REPS2: variants seen among roughly 807,000 people sequenced by gnomAD.
REPS2 encodes the protein RALBP1 associated Eps domain containing 2.
Under a neutral mutation model 53.6 loss-of-function variants are expected in REPS2, and 23 were observed. That is an observed-to-expected ratio of 0.43 (90% CI 0.31 to 0.61). The LOEUF is 0.61. Ranked by LOEUF, REPS2 falls within the 20% of genes least tolerant of loss-of-function variation. The pLI is 0.11. For synonymous variants in REPS2, 238 were observed against 218.6 expected (o/e 1.09, Z -0.78); for missense variants, 446 against 534.9 (o/e 0.83, Z 1.64).
intron 5 of REPS2, among the ~76,000 whole-genome samples, chrX:17,046,643 C>T (rs961325897): frequency 2.7e-5 from 3 of 112,312 alleles, no homozygotes; most frequent in Non-Finnish European, 5.6e-5. Flanking sequence ...TGTTTTCTCC[C>T]GCACTGCTTC....
intron 1 of REPS2, among the ~76,000 whole-genome samples, chrX:16,997,548 T>C (rs928921442): frequency 2.7e-5 from 3 of 112,738 alleles, no homozygotes; most frequent in Non-Finnish European, 5.6e-5. Context: ...GCTGGGCAGC[T>C]TGGAAAGCCA....
At chrX:17,091,665 C>T (rs933197558) in intron 13 of REPS2, among the ~76,000 whole-genome samples, 1 of 111,444 alleles carries the variant, frequency 9.0e-6, no homozygotes, top group Non-Finnish European at 1.9e-5. Context: ...GGTGTGTGGT[C>T]ATCAGGGGAT....
chrX:16,948,124 G>A (rs2060464156), intron 1 of REPS2, among the ~76,000 whole-genome samples: 1 of 112,210 alleles, frequency 8.9e-6, no homozygotes, highest in Non-Finnish European at 1.9e-5. Flanking sequence ...AGAGTGGCGA[G>A]TGGTATTTTA....
chrX:17,050,963 T>C (rs1184911564), intron 6 of REPS2, among the ~76,000 whole-genome samples: 4 of 111,486 alleles, frequency 3.6e-5, no homozygotes, highest in Non-Finnish European at 3.8e-5. Context: ...TTCTAACTAG[T>C]TTTTTGTACC....
intron 13 of REPS2, among the ~76,000 whole-genome samples, chrX:17,096,810 G>A (rs2062711188): frequency 9.0e-6 from 1 of 111,210 alleles, no homozygotes; most frequent in Non-Finnish European, 1.9e-5. Flanking sequence ...ACTGGATTTT[G>A]TTAGACATTA....
chrX:16,981,854 A>G (rs1472045795), intron 1 of REPS2, among the ~76,000 whole-genome samples: 1 of 112,192 alleles, frequency 8.9e-6, no homozygotes, highest in Non-Finnish European at 1.9e-5. Context: ...AAAGTGTCAA[A>G]TTAAATGGTT....
At chrX:17,144,575 G>T (rs1603134374) in intron 17 of REPS2, among the ~76,000 whole-genome samples, 2 of 112,401 alleles carry the variant, frequency 1.8e-5, no homozygotes, top group South Asian at 7.3e-4. Context: ...GTGAACAGAA[G>T]TCTGAAGAAT....
Position 17,029,519 on chromosome X carries a change from G to A in REPS2, c.674-7G>A. 1 of 1,191,578 alleles carries A rather than the reference G, an allele frequency of 8.4e-7. No individual in the cohort carries two copies. The highest frequency in any genetic ancestry group is 1.1e-6 in the Non-Finnish European group (1 of 878,613). On this transcript the variant is annotated splice_region_variant and splice_polypyrimidine_tract_variant and intron_variant, in intron 4 of 17. Coordinates refer to ENST00000357277, the MANE Select transcript of REPS2 (RefSeq NM_004726.3). ...TACCATACTGACTTTCCTTTCTGCT[G>A]TTTCAGCACCTTATGAAGCTAGGCA...
intron 2 of REPS2, among the ~76,000 whole-genome samples, chrX:17,019,036 G>T (rs1018655808): frequency 1.1e-4 from 12 of 110,343 alleles, no homozygotes; most frequent in Non-Finnish European, 1.7e-4. Context: ...CAAACTGCTG[G>T]GCTCAAGTGA....
At chrX:17,090,539 A>G (rs1703973956) in intron 13 of REPS2, among the ~76,000 whole-genome samples, 1 of 111,868 alleles carries the variant, frequency 8.9e-6, no homozygotes, top group Non-Finnish European at 1.9e-5. Context: ...GAGCCAAACC[A>G]TGTCAGATGT....
At chrX:16,974,992 T>G (rs1274874747) in intron 1 of REPS2, among the ~76,000 whole-genome samples, 1 of 111,661 alleles carries the variant, frequency 9.0e-6, no homozygotes, top group Non-Finnish European at 1.9e-5. Flanking sequence ...CTGCATTAGT[T>G]TGCTTAGGAT....
chrX:17,003,256 A>C (rs758454363), intron 1 of REPS2, among the ~76,000 whole-genome samples: 5 of 111,990 alleles, frequency 4.5e-5, no homozygotes, highest in African/African-American at 6.5e-5. Flanking sequence ...AGAACATGCC[A>C]TGTGGAATTG....
intron 10 of REPS2, among the ~76,000 whole-genome samples, chrX:17,068,849 A>G (rs2062263116): frequency 8.9e-6 from 1 of 112,750 alleles, no homozygotes; most frequent in Non-Finnish European, 1.9e-5. Context: ...GCTCTAATCC[A>G]TGAGGAAGTT....
At chrX:17,042,127 G>A (rs759708001) in intron 5 of REPS2, among the ~76,000 whole-genome samples, 50 of 112,153 alleles carry the variant, frequency 4.5e-4, no homozygotes, top group African/African-American at 1.5e-3. Flanking sequence ...TGTGGCTTAA[G>A]CAGACAGATG....
chrX:16,976,705 A>G (rs1273148302), intron 1 of REPS2, among the ~76,000 whole-genome samples: 2 of 111,712 alleles, frequency 1.8e-5, no homozygotes, highest in Admixed American at 9.5e-5. Flanking sequence ...CCTACTGCCA[A>G]TCATTCCTCT....
At chrX:17,169,153 C>T in the REPS2 span, among the ~76,000 whole-genome samples, 1 of 112,409 alleles carries the variant, frequency 8.9e-6, no homozygotes, top group African/African-American at 3.2e-5. Context: ...GTGAGCACAA[C>T]TGGACCAGAA....
At chrX:16,973,885 A>T (rs1300304032) in intron 1 of REPS2, among the ~76,000 whole-genome samples, 4 of 111,299 alleles carry the variant, frequency 3.6e-5, no homozygotes, top group Non-Finnish European at 5.7e-5. Flanking sequence ...ATGCCTTAAT[A>T]GTTTAAACTT....
intron 14 of REPS2, among the ~76,000 whole-genome samples, chrX:17,133,265 C>G (rs906816382): frequency 8.1e-5 from 9 of 111,500 alleles, no homozygotes; most frequent in African/African-American, 2.9e-4. Flanking sequence ...CCTTTAGCGT[C>G]CCCTTCAGCC....
At chrX:17,051,667 A>T (rs917348182) in intron 6 of REPS2, among the ~76,000 whole-genome samples, 10 of 112,344 alleles carry the variant, frequency 8.9e-5, no homozygotes, top group Non-Finnish European at 1.5e-4. Context: ...ACCAGTTTTT[A>T]TGTGAACATA....
Sources: gnomAD v4.1 joint callset for allele counts (sites outside exome capture counted in the v4.1 genomes callset) on GRCh38, gnomAD v4.1.1 for gene constraint, MANE v1.5 for transcripts, NCBI Gene and HGNC (gene_info 2026-07-23, HGNC 2026-07-21) for gene names.